The following TTN variants were observed in gnomAD, a reference collection of about 807,000 sequenced individuals.
TTN encodes the protein titin, also known as connectin.
TTN carries 1,525 observed loss-of-function variants against 3,223.0 expected under a neutral mutation model. The observed-to-expected ratio is 0.47, with a 90% confidence interval of 0.45 to 0.49. TTN has a LOEUF of 0.49. TTN is among the 20% of genes least tolerant of loss of function. The pLI is 0.00. For missense variants in TTN, 40,786 were observed against 43,424.0 expected, an observed-to-expected ratio of 0.94 and a Z score of 5.40; for synonymous variants, 14,094 against 15,161.0, an observed-to-expected ratio of 0.93 and a Z score of 5.17.
rs1687614865 is a variant in TTN, at chr2:178,528,624, T to A, written c.107127A>T (p.Arg35709Ser). The part of the protein sequence containing the change: ...SDAPAFISQP[R>S]SQNINEGQNV... ...TTTGTCCTTCATTAATATTTTGAGA[T>A]CTAGGCTGTGAGATGAAGGCTGGAG... Residue 35709 changes from arginine (R) to serine (S), a missense_variant, in exon 360 of 363, where the codon AGA becomes AGT. Transcript: ENST00000589042. The A allele has an allele frequency of 6.2e-7, 1 of 1,612,742 alleles. No homozygotes were observed. Among genetic ancestry groups the A allele is most frequent in the African/African-American group, 1.3e-5 (1 of 75,024 alleles).
chr2:178,671,065 T>C, intron 156 of TTN, 25 bp downstream of exon 156: 2 of 1,573,544 alleles, frequency 1.3e-6, no homozygotes, highest in Non-Finnish European at 1.7e-6. Context: ...TAAAGTTAAG[T>C]AGTAATTTTT....
Position 178,534,484 on chromosome 2 carries a change from A to C in TTN, c.102131T>G (p.Ile34044Ser). 1 of 1,613,736 alleles carries C rather than the reference A, an allele frequency of 6.2e-7. No individual in the cohort carries two copies. The highest frequency in any genetic ancestry group is 8.5e-7 in the Non-Finnish European group (1 of 1,179,810). ...FDEEAFKEISIEAMDFVDRLL... is the reference protein window; with the variant it reads ...FDEEAFKEISSEAMDFVDRLL... ...CCGGTCAACAAAATCCATGGCTTCA[A>C]TGCTAATCTCTTTGAATGCTTCCTC... Residue 34044 changes from isoleucine to serine, a missense_variant, in exon 358 of 363, where the codon ATT becomes AGT. Transcript: ENST00000589042.
At position 178,609,711 on chromosome 2, in the gene TTN, G is replaced by C. The variant is rs773035917; in HGVS notation, c.51712C>G (p.Pro17238Ala). The C allele has an allele frequency of 3.1e-6, 5 of 1,603,532 alleles. No individual in the cohort carries two copies. The highest frequency in any genetic ancestry group is 3.3e-4 in the Middle Eastern group (2 of 6,010). ...ATGGGATCTACAGCTTTGGTTGGAG[G>C]AGTAGCCCGAGAAGGTTCACTAATA... ...AGISEPSRATPPTKAVDPIDA... is the reference protein window; with the variant it reads ...AGISEPSRATAPTKAVDPIDA... The change falls in exon 272 of 363, where the codon CCT becomes GCT. Residue 17238 changes from proline (P) to alanine (A), a missense_variant. Physicochemically the swap from Pro to Ala is conservative, Grantham distance 27. Transcript: ENST00000589042.
At chr2:178,709,941 T>G in intron 98 of TTN, 85 bp from the exon 99 acceptor site, 1 of 1,392,580 alleles carries the variant, frequency 7.2e-7, no homozygotes, top group Non-Finnish European at 9.7e-7. Flanking sequence ...AACCCTCATA[T>G]TTTTAGTTAA....
rs747852279 is a variant in TTN at position 178,685,585 on chromosome 2, A to T, written c.32325T>A (p.Pro10775=). ...GCTTTTCTTCCACAACATATTCCTC[A>T]GGCTCTTCCATCACTTTAAAGACAG... ...EVTEYEVMEE[P]EEYVVEEKLH... Residue 10775 remains proline, a synonymous_variant, in exon 128 of 363, where the codon CCT becomes CCA. Coordinates refer to ENST00000589042, the MANE Select transcript of TTN (RefSeq NM_001267550.2). 2 of 1,613,444 alleles carry T rather than the reference A, an allele frequency of 1.2e-6. No homozygotes were observed. The highest frequency in any genetic ancestry group is 1.1e-5 in the South Asian group (1 of 90,938).
In TTN at chr2:178,694,500, C is replaced by A; in HGVS notation, c.31426+99G>T. The A allele has an allele frequency of 6.6e-6, 5 of 758,824 alleles. No homozygotes were observed. The South Asian group carries it at 7.6e-5, about 12-fold the overall frequency. 47.0% of individuals were successfully genotyped at this position (758,824 alleles called of 1,614,324 possible). A position where few individuals can be genotyped will look rare whatever the true frequency, so the allele number is the denominator to read the frequency against. On this transcript the variant is annotated intron_variant, in intron 117 of 362. Coordinates refer to ENST00000589042, the MANE Select transcript of TTN (RefSeq NM_001267550.2). The stretch of plus-strand genomic sequence containing the variant: ...TATGTAAAAATGTGCTGTTTTTGGT[C>A]GTTTCAGATTTGTGAGTTACTTAGC...
rs531675493 is a variant in TTN at position 178,685,575 on chromosome 2, C to T, written c.32335G>A (p.Val10779Ile). ...YEVMEEPEEY[V>I]VEEKLHIISK... ...ATAATGTGCAGCTTTTCTTCCACAA[C>T]ATATTCCTCAGGCTCTTCCATCACT... Residue 10779 changes from valine (V) to isoleucine (I), a missense_variant, in exon 128 of 363, where the codon GTT (valine) becomes ATT (isoleucine). Physicochemically the swap from Val to Ile is conservative, Grantham distance 29. Transcript: ENST00000589042. 6.2e-7 allele frequency: 1 copy of T among 1,613,694 alleles called. No individual in the cohort carries two copies. The highest frequency in any genetic ancestry group is 8.5e-7 in the Non-Finnish European group (1 of 1,179,764).
intron 213 of TTN, among the ~76,000 whole-genome samples, chr2:178,648,733 A>C (rs964001325): frequency 2.0e-5 from 3 of 152,118 alleles, no homozygotes; most frequent in African/African-American, 7.2e-5. Context: ...TTCTACATGT[A>C]AAAGTCCATC....
At chr2:178,635,055 A>G in intron 228 of TTN, 110 bp downstream of exon 228, 1 of 1,457,540 alleles carries the variant, frequency 6.9e-7, no homozygotes, top group Non-Finnish European at 9.3e-7. Flanking sequence ...ACTTTAGAAG[A>G]CTCCATTAAC....
At chr2:178,802,101 G>T (rs553676524) in intron 3 of TTN, 37 bp downstream of exon 3, 22 of 1,612,704 alleles carry the variant, frequency 1.4e-5, no homozygotes, top group Non-Finnish European at 1.8e-5. Flanking sequence ...GATGTCCTCT[G>T]GGGGAGCAGA....
chr2:178,636,424 G>A lies in TTN; in HGVS notation c.41303C>T (p.Thr13768Ile). The change falls in exon 225 of 363, where the codon ACC (threonine) becomes ATC (isoleucine). Residue 13768 changes from threonine to isoleucine, a missense_variant. Transcript: ENST00000589042. The surrounding 1 kb of genome is among the most constrained non-coding windows in gnomAD (Gnocchi z 4.3). ...TTCTACAACAAGTTTAGCCGTGGAGGTCTTTTCTTTGTTTCCCAAACGTAA... is the reference window on the plus strand; with the variant it reads ...TTCTACAACAAGTTTAGCCGTGGAGATCTTTTCTTTGTTTCCCAAACGTAA... Reference protein sequence around the residue: ...CVLRLGNKEKTSTAKLVVEEL... With the variant: ...CVLRLGNKEKISTAKLVVEEL... The A allele has an allele frequency of 1.2e-6, 2 of 1,610,398 alleles. No individual in the cohort carries two copies. The highest frequency in any genetic ancestry group is 1.7e-6 in the Non-Finnish European group (2 of 1,177,856).
chr2:178,716,589 C>G (rs574587473), intron 88 of TTN, among the ~76,000 whole-genome samples: 1 of 152,272 alleles, frequency 6.6e-6, no homozygotes, highest in African/African-American at 2.4e-5. Flanking sequence ...AGATACTGAT[C>G]TACTTACTCC....
Position 178,589,315 on chromosome 2 carries a change from T to G in TTN, c.62410A>C (p.Thr20804Pro), listed in dbSNP as rs760953518. Residue 20804 changes from threonine to proline, a missense_variant, in exon 304 of 363, where the codon ACC (threonine) becomes CCC (proline). Thr to Pro is a conservative substitution (Grantham distance 38). Transcript: ENST00000589042. ...RGKPFPEVAWTKDKDATDLTR... is the reference protein window; with the variant it reads ...RGKPFPEVAWPKDKDATDLTR... ...AAGTCTGTAGCGTCTTTGTCCTTGG[T>G]CCATGCAACTTCTGGGAATGGTTTG... 2 of 1,613,026 alleles carry G rather than the reference T, an allele frequency of 1.2e-6. No homozygotes were observed. Among genetic ancestry groups the G allele is most frequent in the Non-Finnish European group, 1.7e-6 (2 of 1,179,286 alleles).
At position 178,747,086 on chromosome 2, in the gene TTN, C is replaced by A. The variant is rs146359866; in HGVS notation, c.11312-5165G>T. The A allele has an allele frequency of 5.6e-6, 9 of 1,611,782 alleles. No individual in the cohort carries two copies. The Admixed American group carries it at 1.0e-4, about 18-fold the overall frequency. ...TGCCTCCCCTGGGGGTGTGGAATATCGCTCTAGAGTCTCTCCTGGGGGTGT... is the reference window on the plus strand; with the variant it reads ...TGCCTCCCCTGGGGGTGTGGAATATAGCTCTAGAGTCTCTCCTGGGGGTGT... On this transcript the variant is annotated intron_variant, in intron 47 of 362. Transcript: ENST00000589042.
At chr2:178,749,852 GAT>G in intron 47 of TTN, 6 of 1,613,126 alleles carry the variant, frequency 3.7e-6, no homozygotes, top group Non-Finnish European at 5.1e-6. Context: ...GGGCTCACCA[GAT>G]ATTAAACATT....
At position 178,541,494 on chromosome 2, in the gene TTN, C is replaced by A; in HGVS notation, c.97583G>T (p.Gly32528Val). The A allele has an allele frequency of 1.2e-6, 2 of 1,613,402 alleles. No homozygotes were observed. Among genetic ancestry groups the A allele is most frequent in the South Asian group, 2.2e-5 (2 of 91,030 alleles). The change falls in exon 350 of 363, where the codon GGC becomes GTC. Residue 32528 changes from glycine to valine, a missense_variant. Transcript: ENST00000589042. ...CACAATATATCCAGTCACTTGGGAGCCACCGTCATCCTCTGGTGGGTACCA... is the reference window on the plus strand; with the variant it reads ...CACAATATATCCAGTCACTTGGGAGACACCGTCATCCTCTGGTGGGTACCA... ...LTWYPPEDDG[G>V]SQVTGYIVER...
At chr2:178,738,010 C>T in intron 49 of TTN, 72 bp downstream of exon 49, 1 of 1,557,462 alleles carries the variant, frequency 6.4e-7, no homozygotes, top group Non-Finnish European at 8.7e-7. Context: ...ATTTCCCACA[C>T]ATGTACAGAA....
rs772655984 is a variant in TTN, at chr2:178,574,237, G to T, written c.71895C>A (p.Asp23965Glu). 3.7e-6 allele frequency: 6 copies of T among 1,613,096 alleles called. No homozygotes were observed. The highest frequency in any genetic ancestry group is 1.1e-5 in the South Asian group (1 of 91,054). Reference sequence around the variant, plus strand: ...CCTTCAGCCACCGTCCATTAGGAAGGTCTCTCTTTTCAACGATATAACTGG... The same window carrying T: ...CCTTCAGCCACCGTCCATTAGGAAGTTCTCTCTTTTCAACGATATAACTGG... ...KITSYIVEKR[D>E]LPNGRWLKAN... The change falls in exon 326 of 363, where the codon GAC becomes GAA. Residue 23965 changes from aspartate (D) to glutamate (E), a missense_variant. Coordinates refer to ENST00000589042, the MANE Select transcript of TTN (RefSeq NM_001267550.2).
At chr2:178,767,663 G>A (rs2090719352) in intron 40 of TTN, 96 bp downstream of exon 40, 2 of 1,522,424 alleles carry the variant, frequency 1.3e-6, no homozygotes, top group Admixed American at 1.7e-5. Context: ...TTTAAAGGAT[G>A]GTGGTTAGAA....
Sources: allele counts gnomAD v4.1 joint callset (sites outside exome capture counted in the v4.1 genomes callset), GRCh38; gene constraint gnomAD v4.1.1; non-coding constraint Gnocchi (gnomAD v3.1); transcripts MANE v1.5; gene names NCBI Gene and HGNC (gene_info 2026-07-23, HGNC 2026-07-21).